The following GREP1 variants were observed in gnomAD, a reference collection of about 807,000 sequenced individuals.
GREP1 encodes glycine rich extracellular protein 1.
At chr16:3,001,167 C>G (rs2072460161) in intron 33 of GREP1, 114 bp from the exon 28 acceptor site, 1 of 398,914 alleles carries the variant, frequency 2.5e-6, no homozygotes, top group African/African-American at 2.1e-5. Context: ...TGAGGCAGAG[C>G]TGAGCCCTGG....
intron 21 of GREP1, 194 bp downstream of exon 20, chr16:2,997,279 G>T: frequency 2.5e-6 from 1 of 398,694 alleles, no homozygotes; most frequent in East Asian, 3.6e-5. Context: ...GAGGAGAGGT[G>T]GCGCCAGGAT....
rs1460905300 is a variant in GREP1 at position 2,997,405 on chromosome 16, T to TG, written c.905dup (p.Tyr303LeufsTer30). On this transcript the variant is annotated frameshift_variant, in exon 22 of 35. Transcript: ENST00000573315. LOFTEE classifies it high-confidence loss of function. ...TCCCCACAGGCCCCTTAGCCCAGAA[T>TG]GGCTACAGAGCAGGTACTGGGGGGC... is the stretch of plus-strand genomic sequence containing the variant. 3 of 398,662 alleles carry TG rather than the reference T, an allele frequency of 7.5e-6. No homozygotes were observed. The highest frequency in any genetic ancestry group is 8.8e-6 in the Non-Finnish European group (2 of 226,178). The allele number at this position is 398,662 out of a possible 1,614,324, so 24.7% of individuals were successfully genotyped here.
chr16:2,989,960 C>T lies in GREP1; in HGVS notation c.131-14C>T. 1 of 398,948 alleles carries T rather than the reference C, an allele frequency of 2.5e-6. No homozygotes were observed. The highest frequency in any genetic ancestry group is 3.6e-5 in the East Asian group (1 of 28,062). 24.7% of individuals were successfully genotyped at this position (398,948 alleles called of 1,614,324 possible). A position where few individuals can be genotyped will look rare whatever the true frequency, so the allele number is the denominator to read the frequency against. ...CCTGGGGGAGGGGTGTCCCTCACCT[C>T]CCTGTCTCTCCAGGCTATGATGGGG... On this transcript the variant is annotated splice_polypyrimidine_tract_variant and intron_variant, in intron 3 of 34. Transcript: ENST00000573315. This position sits in a 1 kb window ranked among gnomAD's most constrained non-coding sequence, Gnocchi z 4.2.
intron 10 of GREP1, chr16:2,994,481 C>G (rs1457695455): frequency 1.8e-4 from 66 of 370,894 alleles, no homozygotes; most frequent in Non-Finnish European, 9.6e-6. Context: ...TGCTCTCCAG[C>G]CTGGGCAACA....
chr16:3,001,910 C>T lies in GREP1; in HGVS notation c.*324C>T, dbSNP rs541566683. 9.7e-5 allele frequency: 33 copies of T among 341,376 alleles called. 1 individual carries two copies. The highest frequency in any genetic ancestry group is 6.3e-4 in the Admixed American group (13 of 20,736). The allele number at this position is 341,376 out of a possible 1,614,324, so 21.1% of individuals were successfully genotyped here. A position where few individuals can be genotyped will look rare whatever the true frequency, so the allele number is the denominator to read the frequency against. On this transcript the variant is annotated 3_prime_UTR_variant, in exon 35 of 35. Coordinates refer to ENST00000573315, the Ensembl canonical transcript of GREP1. ...AGGGCATCACTTGGTGACCGCCTAGCGGGGGAACCACATCCAAGTTAGGGG... is the reference window on the plus strand; with the variant it reads ...AGGGCATCACTTGGTGACCGCCTAGTGGGGGAACCACATCCAAGTTAGGGG...
At chr16:2,990,426 C>T (rs2072392600) in intron 5 of GREP1, 126 bp from the exon 6 acceptor site, 1 of 399,044 alleles carries the variant, frequency 2.5e-6, no homozygotes, top group Middle Eastern at 6.3e-4. Flanking sequence ...ATTCCTGAGC[C>T]CCTCATCTGA....
chr16:2,988,538 T>A (rs905946692), intron 1 of GREP1, 52 bp from the exon 2 acceptor site: 1 of 399,044 alleles, frequency 2.5e-6, no homozygotes, highest in African/African-American at 2.1e-5. Flanking sequence ...CGCTGCCCCA[T>A]CTCAGCCTCT....
Position 2,998,408 on chromosome 16 carries a change from C to T in GREP1, c.982+20C>T, listed in dbSNP as rs1343394093. 2.5e-6 allele frequency: 1 copy of T among 399,246 alleles called. No individual in the cohort carries two copies. Among genetic ancestry groups the T allele is most frequent in the Non-Finnish European group, 4.4e-6 (1 of 226,334 alleles). The allele number at this position is 399,246 out of a possible 1,614,324, so 24.7% of individuals were successfully genotyped here. ...AGTCAGGTGAGTGGGGGACCCCTGG[C>T]TCTGCCCCACACCTCCTTCTGCCTC... On this transcript the variant is annotated intron_variant, in intron 24 of 34. Transcript: ENST00000573315.
At chr16:2,994,773 A>G (rs1054908506) in intron 11 of GREP1, 33 bp from the exon 13 acceptor site, 74 of 398,954 alleles carry the variant, frequency 1.9e-4, no homozygotes, top group African/African-American at 1.3e-3. Context: ...CTGGGGCCCC[A>G]GGTTCCTCAC....
intron 27 of GREP1, 39 bp from the exon 25 acceptor site, chr16:2,999,863 G>T: frequency 2.5e-6 from 1 of 399,068 alleles, no homozygotes; most frequent in Non-Finnish European, 4.4e-6. Context: ...AGTCAGGGGA[G>T]ACCTGGGTCC....
intron 18 of GREP1, 168 bp downstream of exon 17, chr16:2,995,939 CT>C (rs1441267327): frequency 0.044 from 11,586 of 266,242 alleles, no homozygotes; most frequent in East Asian, 0.063. Context: ...GGAGCCCAGG[CT>C]TTTTTTTTTT....
At chr16:3,001,819 G>A (rs929707054) in exon 35 of GREP1, 2 of 394,574 alleles carry the variant, frequency 5.1e-6, no homozygotes, top group Non-Finnish European at 8.9e-6. Context: ...CATGTGCCAG[G>A]GACCATGTTC....
Position 2,991,390 on chromosome 16 carries a change from G to C in GREP1, c.322+289G>C, listed in dbSNP as rs60836623. On this transcript the variant is annotated intron_variant, in intron 8 of 34. Coordinates refer to ENST00000573315, the Ensembl canonical transcript of GREP1. This position sits in a 1 kb window ranked among gnomAD's most constrained non-coding sequence, Gnocchi z 4.9. ...AATGTCTCCCCAGGATTGGGGAGCAGAAGTGGTTTGGGCGCTGGCACTCTT... is the reference window on the plus strand; with the variant it reads ...AATGTCTCCCCAGGATTGGGGAGCACAAGTGGTTTGGGCGCTGGCACTCTT... 5,378 of 331,718 alleles carry C rather than the reference G, an allele frequency of 0.016. 279 individuals carry two copies. Among genetic ancestry groups the C allele is most frequent in the African/African-American group, 0.1 (4,936 of 47,180 alleles). 20.5% of individuals were successfully genotyped at this position (331,718 alleles called of 1,614,324 possible).
chr16:2,988,300 A>T (rs879867588), exon 1 of GREP1: 2 of 399,126 alleles, frequency 5.0e-6, no homozygotes, highest in Non-Finnish European at 8.8e-6. Flanking sequence ...CCTTCCCCGC[A>T]GCCCTTTTCC....
In GREP1 at chr16:2,996,487, T is replaced by A; in HGVS notation, c.677-9T>A. ...CGCCGTCTCACACCCTCCCCGTCCC[T>A]CCCCCTAGAATATGGCCATGGAAAT... On this transcript the variant is annotated splice_polypyrimidine_tract_variant and intron_variant, in intron 18 of 34. Transcript: ENST00000573315. The A allele has an allele frequency of 2.5e-6, 1 of 398,020 alleles. No homozygotes were observed. The allele number at this position is 398,020 out of a possible 1,614,324, so 24.7% of individuals were successfully genotyped here.
At position 3,000,121 on chromosome 16, in the gene GREP1, G is replaced by A. The variant is rs766765100; in HGVS notation, c.1264+3G>A. On this transcript the variant is annotated splice_donor_region_variant and intron_variant, in intron 29 of 34. Coordinates refer to ENST00000573315, the Ensembl canonical transcript of GREP1. ...TGGCCTCGAGCCACAGAAAATTGGTGAGTCCTCCTGGGCCCCCGACCCATG... is the reference window on the plus strand; with the variant it reads ...TGGCCTCGAGCCACAGAAAATTGGTAAGTCCTCCTGGGCCCCCGACCCATG... 3.0e-5 allele frequency: 12 copies of A among 398,996 alleles called. No individual in the cohort carries two copies. The highest frequency in any genetic ancestry group is 5.3e-5 in the Non-Finnish European group (12 of 226,130). 24.7% of individuals were successfully genotyped at this position (398,996 alleles called of 1,614,324 possible). A position where few individuals can be genotyped will look rare whatever the true frequency, so the allele number is the denominator to read the frequency against.
chr16:2,990,523 C>G, intron 6 of GREP1, 29 bp from the exon 6 acceptor site: 1 of 399,574 alleles, frequency 2.5e-6, no homozygotes, highest in Non-Finnish European at 4.4e-6. Flanking sequence ...CCTCCCTCCT[C>G]CTGACTCCCT....
In GREP1 at chr16:2,989,844, C is replaced by T. The variant is rs1335181993; in HGVS notation, c.131-130C>T. 7.5e-6 allele frequency: 3 copies of T among 398,152 alleles called. No homozygotes were observed. Among genetic ancestry groups the T allele is most frequent in the African/African-American group, 2.1e-5 (1 of 48,568 alleles). 24.7% of individuals were successfully genotyped at this position (398,152 alleles called of 1,614,324 possible). A position where few individuals can be genotyped will look rare whatever the true frequency, so the allele number is the denominator to read the frequency against. On this transcript the variant is annotated intron_variant, in intron 3 of 34. Coordinates refer to ENST00000573315, the Ensembl canonical transcript of GREP1. The surrounding 1 kb of genome is among the most constrained non-coding windows in gnomAD (Gnocchi z 4.2). ...AGGCTGATAGCACCCACCTGTGCCC[C>T]ACAGCCCTCCCCCATCATGGGAAGG...
In GREP1 at chr16:2,992,926, C is replaced by T; in HGVS notation, c.353-5C>T. 2 of 399,098 alleles carry T rather than the reference C, an allele frequency of 5.0e-6. No homozygotes were observed. The highest frequency in any genetic ancestry group is 8.8e-6 in the Non-Finnish European group (2 of 226,076). 24.7% of individuals were successfully genotyped at this position (399,098 alleles called of 1,614,324 possible). On this transcript the variant is annotated splice_region_variant and splice_polypyrimidine_tract_variant and intron_variant, in intron 9 of 34. Coordinates refer to ENST00000573315, the Ensembl canonical transcript of GREP1. This position sits in a 1 kb window ranked among gnomAD's most constrained non-coding sequence, Gnocchi z 4.9. Reference sequence around the variant, plus strand: ...GGATCCCTCACCCTCTCATCTTCCCCCCAGGCTTTGGAGGGGGTGGAAAAC... The same window carrying T: ...GGATCCCTCACCCTCTCATCTTCCCTCCAGGCTTTGGAGGGGGTGGAAAAC...
Sources: allele counts gnomAD v4.1 joint callset, GRCh38; gene constraint gnomAD v4.1.1; non-coding constraint Gnocchi (gnomAD v3.1); transcripts MANE v1.5; gene names NCBI Gene and HGNC (gene_info 2026-07-23, HGNC 2026-07-21).